CTNNBL1: variants seen among roughly 807,000 people sequenced by gnomAD.
CTNNBL1 encodes beta-catenin-like protein 1.
Under a neutral mutation model 72.7 loss-of-function variants are expected in CTNNBL1, and 31 were observed. The ratio of observed to expected loss-of-function variants is 0.43; its 90% CI spans 0.32 to 0.58. The LOEUF (loss-of-function observed/expected upper bound fraction) is 0.58, where lower values mean the gene tolerates loss of function less well. Ranked by LOEUF, CTNNBL1 falls within the 20% of genes least tolerant of loss-of-function variation. CTNNBL1 has a pLI of 0.08. For missense variants in CTNNBL1, 534 were observed against 725.1 expected, an observed-to-expected ratio of 0.74 and a Z score of 3.03; for synonymous variants, 240 against 267.3, an observed-to-expected ratio of 0.90 and a Z score of 1.00.
intron 11 of CTNNBL1, among the ~76,000 whole-genome samples, chr20:37,828,638 C>A (rs1400841368): frequency 6.6e-6 from 1 of 152,226 alleles, no homozygotes; most frequent in African/African-American, 2.4e-5. Flanking sequence ...AGTAGGTTTG[C>A]AATCGATGTG....
At chr20:37,778,539 A>C (rs996276071) in intron 9 of CTNNBL1, among the ~76,000 whole-genome samples, 1 of 152,310 alleles carries the variant, frequency 6.6e-6, no homozygotes, top group South Asian at 2.1e-4. Context: ...ATGGGTATGC[A>C]TATACAGTTT....
chr20:37,842,247 G>C, intron 12 of CTNNBL1, 92 bp from the exon 13 acceptor site: 1 of 882,756 alleles, frequency 1.1e-6, no homozygotes, highest in Non-Finnish European at 1.9e-6. Flanking sequence ...CCCTTTGTAA[G>C]GGAGCGACAG....
In CTNNBL1 at chr20:37,827,436, T is replaced by C. The variant is rs189406193; in HGVS notation, c.1214-12666T>C. ...GACCTTATAAATCATCCAGGCCACCTAATTTTATAGACAAAGATGTTGAGA... is the reference window on the plus strand; with the variant it reads ...GACCTTATAAATCATCCAGGCCACCCAATTTTATAGACAAAGATGTTGAGA... On this transcript the variant is annotated intron_variant, in intron 11 of 15. Transcript: ENST00000361383. Among the ~76,000 whole-genome samples the C allele has an allele frequency of 9.3e-4, 142 of 152,316 alleles. 1 individual carries two copies. Among genetic ancestry groups the C allele is most frequent in the African/African-American group, 3.4e-3 (141 of 41,562 alleles).
At chr20:37,834,566 C>T (rs557757388) in intron 11 of CTNNBL1, among the ~76,000 whole-genome samples, 7 of 152,248 alleles carry the variant, frequency 4.6e-5, no homozygotes, top group East Asian at 1.9e-4. Context: ...AAATATGAGG[C>T]GTATTTTCAG....
intron 13 of CTNNBL1, among the ~76,000 whole-genome samples, chr20:37,848,550 C>G (rs1007693875): frequency 3.9e-5 from 6 of 152,134 alleles, no homozygotes; most frequent in African/African-American, 1.4e-4. Context: ...GACAGGGGGC[C>G]TGGGGGCAGA....
rs1300434987 is a variant in CTNNBL1 at position 37,852,679 on chromosome 20, C to T, written c.1393-7220C>T. ...GGGGTGAGGCACACTGCCACCCTCC[C>T]CTCCTGCAGTCAGGGTGGGCATTGC... On this transcript the variant is annotated intron_variant, in intron 13 of 15. Coordinates refer to ENST00000361383, the MANE Select transcript of CTNNBL1 (RefSeq NM_030877.5). Among the ~76,000 whole-genome samples the T allele has an allele frequency of 2.6e-5, 4 of 152,346 alleles. No homozygotes were observed. The South Asian group carries it at 6.2e-4, about 24-fold the overall frequency.
At chr20:37,802,294 G>A (rs2073829310) in intron 10 of CTNNBL1, among the ~76,000 whole-genome samples, 2 of 152,204 alleles carry the variant, frequency 1.3e-5, no homozygotes, top group South Asian at 2.1e-4. Flanking sequence ...GAAATGTCTA[G>A]AATAGGCAAA....
At chr20:37,790,228 G>T (rs1420535301) in intron 10 of CTNNBL1, among the ~76,000 whole-genome samples, 1 of 152,102 alleles carries the variant, frequency 6.6e-6, no homozygotes, top group African/African-American at 2.4e-5. Context: ...GGGGAACTTT[G>T]GATTTTTATT....
intron 6 of CTNNBL1, among the ~76,000 whole-genome samples, chr20:37,765,615 GT>G (rs1366004053): frequency 6.6e-6 from 1 of 152,158 alleles, no homozygotes; most frequent in Non-Finnish European, 1.5e-5. Flanking sequence ...TTTGGAATGT[GT>G]ATATTTAAAC....
At chr20:37,830,794 T>C (rs1453234591) in intron 11 of CTNNBL1, among the ~76,000 whole-genome samples, 1 of 152,142 alleles carries the variant, frequency 6.6e-6, no homozygotes, top group Non-Finnish European at 1.5e-5. Context: ...CTGGGCAAAA[T>C]CATTTAACAC....
intron 1 of CTNNBL1, among the ~76,000 whole-genome samples, chr20:37,719,644 G>A (rs1008230398): frequency 1.3e-5 from 2 of 152,086 alleles, no homozygotes; most frequent in African/African-American, 2.4e-5. Flanking sequence ...GCCCATATAC[G>A]TGACACTCAT....
intron 10 of CTNNBL1, 55 bp from the exon 11 acceptor site, chr20:37,802,812 T>A (rs62208410): frequency 7.9e-6 from 11 of 1,399,558 alleles, no homozygotes; most frequent in Admixed American, 2.1e-5. Flanking sequence ...TTTTTTTTTT[T>A]AAGCTCTATA....
chr20:37,782,999 A>G (rs140471058), intron 10 of CTNNBL1, among the ~76,000 whole-genome samples: 46 of 152,328 alleles, frequency 3.0e-4, no homozygotes, highest in African/African-American at 1.1e-3. Context: ...AGTGTCTACC[A>G]TATAGGATGA....
chr20:37,862,118 TGA>T (rs2072496267), intron 15 of CTNNBL1, among the ~76,000 whole-genome samples: 1 of 48,548 alleles, frequency 2.1e-5, no homozygotes, highest in Non-Finnish European at 4.1e-5. Context: ...TAAAGGGGTC[TGA>T]TGGACACAGC....
rs373260848 is a variant in CTNNBL1, at chr20:37,732,937, G to A, written c.89G>A (p.Arg30Gln). 67 of 1,613,860 alleles carry A rather than the reference G, an allele frequency of 4.2e-5. No individual in the cohort carries two copies. The highest frequency in any genetic ancestry group is 5.3e-5 in the Non-Finnish European group (62 of 1,180,020). Residue 30 changes from arginine (R) to glutamine (Q), a missense_variant, in exon 2 of 16, where the codon CGG (arginine) becomes CAG (glutamine). Physicochemically the swap from Arg to Gln is conservative, Grantham distance 43. Transcript: ENST00000361383. The part of the protein sequence containing the change: ...DDEEEEQKMR[R>Q]KQTGTRERGR... ...GAAGAGGAGGAGCAGAAGATGCGTC[G>A]GAAACAAACTGGTACTCGAGAACGC...
Position 37,777,367 on chromosome 20 carries a change from A to G in CTNNBL1, c.773A>G (p.Asn258Ser), listed in dbSNP as rs767503322. The change falls in exon 8 of 16, where the codon AAC becomes AGC. Residue 258 changes from asparagine to serine, a missense_variant. Asn to Ser is a conservative substitution (Grantham distance 46). Coordinates refer to ENST00000361383, the MANE Select transcript of CTNNBL1 (RefSeq NM_030877.5). Reference sequence around the variant, plus strand: ...TAGGCAAAGATGCCTTTTGATGCCAACAAACTGTATTGCAGTGAAGTGCTG... The same window carrying G: ...TAGGCAAAGATGCCTTTTGATGCCAGCAAACTGTATTGCAGTGAAGTGCTG... ...RLKAKMPFDA[N>S]KLYCSEVLAI... is the part of the protein sequence containing the mutation. 9.3e-6 allele frequency: 15 copies of G among 1,613,756 alleles called. No individual in the cohort carries two copies. Among genetic ancestry groups the G allele is most frequent in the Non-Finnish European group, 1.3e-5 (15 of 1,179,792 alleles).
intron 11 of CTNNBL1, among the ~76,000 whole-genome samples, chr20:37,839,778 C>A (rs1003460684): frequency 6.6e-6 from 1 of 152,160 alleles, no homozygotes; most frequent in Non-Finnish European, 1.5e-5. Context: ...CAGGTTATTT[C>A]TGTAAAGGTG....
intron 11 of CTNNBL1, among the ~76,000 whole-genome samples, chr20:37,805,586 G>A (rs2071951574): frequency 6.6e-6 from 1 of 151,688 alleles, no homozygotes; most frequent in Admixed American, 6.6e-5. Flanking sequence ...TAGTAGAGAT[G>A]GGGTTTCACC....
In CTNNBL1 at chr20:37,823,685, C is replaced by T. The variant is rs192180264; in HGVS notation, c.1214-16417C>T. On this transcript the variant is annotated intron_variant, in intron 11 of 15. Transcript: ENST00000361383. The stretch of plus-strand genomic sequence containing the variant: ...TGAATTTCTGTCTAAAGCAGGCATC[C>T]AGGGAGGATTTTCAGAGGAGTGTGA... Among the ~76,000 whole-genome samples the T allele has an allele frequency of 6.7e-4, 102 of 152,314 alleles. 1 individual carries two copies. Among genetic ancestry groups the T allele is most frequent in the Non-Finnish European group, 1.2e-4 (8 of 68,030 alleles).
Sources: gnomAD v4.1 joint callset for allele counts (sites outside exome capture counted in the v4.1 genomes callset) on GRCh38, gnomAD v4.1.1 for gene constraint, MANE v1.5 for transcripts, NCBI Gene and HGNC (gene_info 2026-07-23, HGNC 2026-07-21) for gene names.